The following AKAIN1 variants were observed in gnomAD, a reference collection of about 807,000 sequenced individuals.
AKAIN1 encodes the protein A-kinase anchor inhibitor 1.
In AKAIN1, 3 loss-of-function variants were observed where a neutral mutation model predicts 3.7. The ratio of observed to expected loss-of-function variants is 0.82; its 90% CI spans 0.37 to 2.12. The LOEUF is 2.12. AKAIN1 is among the 30% of genes most tolerant of loss of function. The pLI, the probability that AKAIN1 is intolerant of heterozygous loss-of-function variation, is 0.06. For synonymous variants in AKAIN1, 31 were observed against 30.8 expected (o/e 1.01, Z -0.02); for missense variants, 82 against 82.7 (o/e 0.99, Z 0.03).
chr18:5,170,572 T>C (rs571670314), intron 1 of AKAIN1: 1 of 152,270 alleles, frequency 6.6e-6, no homozygotes, highest in South Asian at 2.1e-4. Flanking sequence ...TTATATTTTA[T>C]GTGTGTGTTG....
intron 1 of AKAIN1, 30 bp from the exon 2 acceptor site, chr18:5,145,785 A>G: frequency 6.5e-7 from 1 of 1,529,532 alleles, no homozygotes; most frequent in East Asian, 2.5e-5. Flanking sequence ...GGAGGGGAAA[A>G]GGAGAGAAAT....
Position 5,155,821 on chromosome 18 carries a change from C to G in AKAIN1, c.17-10066G>C, listed in dbSNP as rs143810025. Reference sequence around the variant, plus strand: ...ATTTTGGAAGCCAGAGGCTTGCATACTTTCTTTCCCACTGCAGGACCTTCC... The same window carrying G: ...ATTTTGGAAGCCAGAGGCTTGCATAGTTTCTTTCCCACTGCAGGACCTTCC... On this transcript the variant is annotated intron_variant, in intron 1 of 1. Transcript: ENST00000434239. 2.1e-3 allele frequency among the ~76,000 whole-genome samples: 313 copies of G among 152,304 alleles called. 1 individual carries two copies. Among genetic ancestry groups the G allele is most frequent in the African/African-American group, 7.3e-3 (304 of 41,570 alleles).
At chr18:5,178,344 A>G (rs1434868354) in intron 1 of AKAIN1, among the ~76,000 whole-genome samples, 3 of 152,066 alleles carry the variant, frequency 2.0e-5, no homozygotes, top group Non-Finnish European at 4.4e-5. Flanking sequence ...GCCCAATACC[A>G]GCTTGGGCAA....
rs1179973944 is a variant in AKAIN1, at chr18:5,188,537, T to A, written c.16+8501A>T. Among the ~76,000 whole-genome samples the A allele has an allele frequency of 2.6e-5, 4 of 152,046 alleles. No homozygotes were observed. The East Asian group carries it at 7.8e-4, about 30-fold the overall frequency. On this transcript the variant is annotated intron_variant, in intron 1 of 1. Coordinates refer to ENST00000434239, the MANE Select transcript of AKAIN1 (RefSeq NM_001145194.2). ...TCCTTCCCCCTGAGCCCCTTTACAC[T>A]TCTAAGCCCTTATGTAGGTGCCACA...
intron 1 of AKAIN1, among the ~76,000 whole-genome samples, chr18:5,158,023 A>G (rs2143324602): frequency 6.6e-6 from 1 of 152,250 alleles, no homozygotes; most frequent in South Asian, 2.1e-4. Flanking sequence ...TATCTTGAAC[A>G]AGTCAGTTTC....
intron 1 of AKAIN1, among the ~76,000 whole-genome samples, chr18:5,162,949 T>C (rs768220930): frequency 6.6e-6 from 1 of 151,844 alleles, no homozygotes; most frequent in Non-Finnish European, 1.5e-5. Context: ...CTAGGACTGA[T>C]AGTTACAATG....
chr18:5,160,523 A>G (rs1375115736), intron 1 of AKAIN1, among the ~76,000 whole-genome samples: 1 of 152,138 alleles, frequency 6.6e-6, no homozygotes, highest in Non-Finnish European at 1.5e-5. Context: ...GCTCAGAAAA[A>G]GAACCTCTGT....
At chr18:5,174,508 T>C (rs1245499631) in intron 1 of AKAIN1, among the ~76,000 whole-genome samples, 1 of 152,018 alleles carries the variant, frequency 6.6e-6, no homozygotes, top group East Asian at 1.9e-4. Context: ...TGGGAGGCTG[T>C]GGTGGGCAGA....
intron 1 of AKAIN1, among the ~76,000 whole-genome samples, chr18:5,174,934 A>G (rs1403697045): frequency 6.6e-6 from 1 of 152,084 alleles, no homozygotes; most frequent in Non-Finnish European, 1.5e-5. Flanking sequence ...TCCTGTGCAC[A>G]GTAAGAGGTT....
intron 1 of AKAIN1, among the ~76,000 whole-genome samples, chr18:5,194,552 T>C (rs528700259): frequency 1.3e-5 from 2 of 152,328 alleles, no homozygotes; most frequent in South Asian, 2.1e-4. Flanking sequence ...CAAATATCTG[T>C]CACTCTTCAC....
chr18:5,197,616 G>A, upstream of AKAIN1: 1 of 468,736 alleles, frequency 2.1e-6, no homozygotes, highest in East Asian at 3.5e-5. This position sits in a 1 kb window ranked among gnomAD's most constrained non-coding sequence, Gnocchi z 6.9. Context: ...GGTCCTGGAG[G>A]TCCGTGAGTC....
intron 1 of AKAIN1, among the ~76,000 whole-genome samples, chr18:5,169,923 G>A (rs1010039917): frequency 6.6e-6 from 1 of 152,088 alleles, no homozygotes; most frequent in Admixed American, 6.6e-5. Context: ...CTCTTCACCT[G>A]CAGCCTTTCA....
At chr18:5,146,709 C>G (rs537612591) in intron 1 of AKAIN1, among the ~76,000 whole-genome samples, 7 of 152,276 alleles carry the variant, frequency 4.6e-5, no homozygotes, top group Admixed American at 1.3e-4. Context: ...TTTAAAGAAC[C>G]AGATAGGAGA....
At chr18:5,197,567 G>T (rs1204504739), upstream of AKAIN1, 3 of 1,039,150 alleles carry the variant, frequency 2.9e-6, no homozygotes, top group African/African-American at 3.3e-5. The surrounding 1 kb of genome is among the most constrained non-coding windows in gnomAD (Gnocchi z 6.9). Context: ...CTCCGAGTTG[G>T]GCTGGCTCGA....
At chr18:5,166,068 A>C (rs376640244) in intron 1 of AKAIN1, among the ~76,000 whole-genome samples, 11 of 152,206 alleles carry the variant, frequency 7.2e-5, no homozygotes, top group African/African-American at 2.6e-4. Context: ...TATATTCATG[A>C]CTTTCAAACT....
intron 1 of AKAIN1, among the ~76,000 whole-genome samples, chr18:5,193,272 T>A (rs2071331801): frequency 6.6e-6 from 1 of 152,212 alleles, no homozygotes; most frequent in Non-Finnish European, 1.5e-5. Context: ...ATCCTTGTTA[T>A]CATACCTTGC....
chr18:5,168,864 T>TAAAAAAAA, intron 1 of AKAIN1, among the ~76,000 whole-genome samples: 1 of 122,694 alleles, frequency 8.2e-6, no homozygotes, highest in South Asian at 2.6e-4. Context: ...GGCAATTCAT[T>TAAAAAAAA]AAAAAAAAAA....
chr18:5,196,056 C>T (rs1305323600), intron 1 of AKAIN1, among the ~76,000 whole-genome samples: 4 of 152,204 alleles, frequency 2.6e-5, no homozygotes, highest in Non-Finnish European at 4.4e-5. Flanking sequence ...CTTTTCTCCC[C>T]AGCCATCTGA....
At chr18:5,157,741 T>A (rs1476243125) in intron 1 of AKAIN1, among the ~76,000 whole-genome samples, 1 of 152,210 alleles carries the variant, frequency 6.6e-6, no homozygotes, top group South Asian at 2.1e-4. Flanking sequence ...CCTTACTCTG[T>A]CACCGAGGCT....
Sources: gnomAD v4.1 joint callset for allele counts (sites outside exome capture counted in the v4.1 genomes callset) on GRCh38, gnomAD v4.1.1 for gene constraint, Gnocchi (gnomAD v3.1) non-coding constraint, MANE v1.5 for transcripts, NCBI Gene and HGNC (gene_info 2026-07-23, HGNC 2026-07-21) for gene names.